P2RY8: variants seen among roughly 807,000 people sequenced by gnomAD.
The protein encoded by P2RY8 is P2Y receptor family member 8, also known as S-geranylgeranyl-glutathione receptor P2RY8.
Under a neutral mutation model 10.0 loss-of-function variants are expected in P2RY8, and 6 were observed. The observed-to-expected ratio is 0.60, with a 90% CI of 0.33 to 1.19. The LOEUF (loss-of-function observed/expected upper bound fraction) is 1.19, where lower values mean the gene tolerates loss of function less well. P2RY8 is among the 50% of genes most tolerant of loss of function. The pLI, the probability that P2RY8 is intolerant of heterozygous loss-of-function variation, is 0.04. For missense variants in P2RY8, 456 were observed against 542.0 expected, an observed-to-expected ratio of 0.84 and a Z score of 1.58; for synonymous variants, 276 against 252.5, an observed-to-expected ratio of 1.09 and a Z score of -0.88.
chrX:1,499,001 A>AT (rs2092148236), intron 1 of P2RY8, among the ~76,000 whole-genome samples: 1 of 149,162 alleles, frequency 6.7e-6, no homozygotes, highest in South Asian at 2.1e-4. Context: ...TGCCTAGCTA[A>AT]TTTTTGTATT....
chrX:1,521,615 A>C (rs1172219636), intron 1 of P2RY8, among the ~76,000 whole-genome samples: 34 of 152,312 alleles, frequency 2.2e-4, no homozygotes, highest in African/African-American at 8.2e-4. Context: ...AAGTCAATTC[A>C]CTTGGACCCT....
At chrX:1,484,089 C>T (rs2091964488) in intron 1 of P2RY8, among the ~76,000 whole-genome samples, 1 of 151,992 alleles carries the variant, frequency 6.6e-6, no homozygotes, top group South Asian at 2.1e-4. Flanking sequence ...ACCTAAAAAG[C>T]TGGGTTCCCC....
Position 1,497,236 on chromosome X carries a change from A to G in P2RY8, c.-24-30654T>C, listed in dbSNP as rs868136119. ...GACTCCGTCTCAAAAAAAAAAAAAA[A>G]GAAAAGAAAAAGAAAAAAAAGAAAC... On this transcript the variant is annotated intron_variant, in intron 1 of 1. Coordinates refer to ENST00000381297, the MANE Select transcript of P2RY8 (RefSeq NM_178129.5). 5.8e-4 allele frequency among the ~76,000 whole-genome samples: 81 copies of G among 139,530 alleles called. 2 individuals carry two copies. The highest frequency in any genetic ancestry group is 1.1e-3 in the South Asian group (5 of 4,470). 91.5% of individuals were successfully genotyped at this position (139,530 alleles called of 152,430 possible). A position where few individuals can be genotyped will look rare whatever the true frequency, so the allele number is the denominator to read the frequency against.
chrX:1,521,720 G>A (rs1479816439), intron 1 of P2RY8, among the ~76,000 whole-genome samples: 1 of 152,124 alleles, frequency 6.6e-6, no homozygotes, highest in Non-Finnish European at 1.5e-5. Context: ...ATGGGGTGAA[G>A]GAAGCCAGTC....
At chrX:1,472,629 T>C (rs1381806906) in intron 1 of P2RY8, among the ~76,000 whole-genome samples, 3 of 130,910 alleles carry the variant, frequency 2.3e-5, no homozygotes, top group Non-Finnish European at 4.8e-5. Context: ...GGTGGATGAA[T>C]GGATGGGTTG....
intron 1 of P2RY8, among the ~76,000 whole-genome samples, chrX:1,517,082 C>T (rs1168116357): frequency 2.3e-4 from 35 of 151,796 alleles, no homozygotes; most frequent in Non-Finnish European, 4.3e-4. Context: ...AAGAGACAAG[C>T]CTTAGGAGGA....
At chrX:1,469,499 A>G (rs763063334) in intron 1 of P2RY8, among the ~76,000 whole-genome samples, 3 of 152,122 alleles carry the variant, frequency 2.0e-5, no homozygotes, top group Admixed American at 6.5e-5. Flanking sequence ...CTTTGCAGGT[A>G]AATGCACACC....
chrX:1,484,328 C>T (rs1285282907), intron 1 of P2RY8, among the ~76,000 whole-genome samples: 2 of 152,110 alleles, frequency 1.3e-5, no homozygotes, highest in Admixed American at 1.3e-4. Context: ...AGACTCATTT[C>T]TTTGTTCTCT....
chrX:1,482,952 G>A (rs1223496964), intron 1 of P2RY8, among the ~76,000 whole-genome samples: 1 of 152,036 alleles, frequency 6.6e-6, no homozygotes, highest in African/African-American at 2.4e-5. Context: ...GTGGGGTGGG[G>A]GGACGGGGGA....
intron 1 of P2RY8, among the ~76,000 whole-genome samples, chrX:1,509,430 T>TATCA (rs1368137951): frequency 5.5e-5 from 8 of 145,254 alleles, no homozygotes; most frequent in African/African-American, 2.1e-4. Context: ...ATTATCTATC[T>TATCA]ATCATCTATG....
At chrX:1,535,780 C>T (rs1277032384) in intron 1 of P2RY8, among the ~76,000 whole-genome samples, 6 of 151,828 alleles carry the variant, frequency 4.0e-5, no homozygotes, top group Admixed American at 6.6e-5. Context: ...AACAGAGCCA[C>T]GTGACCATGG....
intron 1 of P2RY8, among the ~76,000 whole-genome samples, chrX:1,498,225 T>G (rs1419184872): frequency 1.3e-5 from 2 of 151,502 alleles, no homozygotes; most frequent in Non-Finnish European, 2.9e-5. Flanking sequence ...GCCAACATGC[T>G]GAAACCCCGT....
chrX:1,529,890 G>A (rs6644734), intron 1 of P2RY8, among the ~76,000 whole-genome samples: 113,645 of 151,628 alleles, frequency 0.75, 43,003 homozygotes, highest in East Asian at 0.98. Flanking sequence ...AATGTCTGAG[G>A]ACAGTTCTGG....
At chrX:1,490,325 A>G (rs1410722864) in intron 1 of P2RY8, among the ~76,000 whole-genome samples, 45 of 137,956 alleles carry the variant, frequency 3.3e-4, no homozygotes, top group Middle Eastern at 4.5e-3. Context: ...ATGATACCCC[A>G]GATTCACTTC....
At chrX:1,527,199 C>T (rs779258916) in intron 1 of P2RY8, among the ~76,000 whole-genome samples, 34 of 152,178 alleles carry the variant, frequency 2.2e-4, no homozygotes, top group African/African-American at 7.5e-4. Context: ...CCAGCCTATT[C>T]ATTCATTTCT....
chrX:1,530,157 G>GTATGTATGATCT (rs1448165994), intron 1 of P2RY8, among the ~76,000 whole-genome samples: 1 of 42,466 alleles, frequency 2.4e-5, no homozygotes, highest in African/African-American at 5.1e-5. Flanking sequence ...ATGTATGTAT[G>GTATGTATGATCT]ATCTATCTAT....
chrX:1,489,738 G>C, intron 1 of P2RY8, among the ~76,000 whole-genome samples: 1 of 148,382 alleles, frequency 6.7e-6, no homozygotes, highest in Non-Finnish European at 1.5e-5. Context: ...CAAATGTGGG[G>C]GGAATGAATG....
Position 1,466,328 on chromosome X carries a change from A to G in P2RY8, c.231T>C (p.Pro77=), listed in dbSNP as rs2091675568. The G allele has an allele frequency of 6.2e-7, 1 of 1,613,836 alleles. No individual in the cohort carries two copies. Among genetic ancestry groups the G allele is most frequent in the Non-Finnish European group, 8.5e-7 (1 of 1,179,856 alleles). The change falls in exon 2 of 2, where the codon CCT becomes CCC. Residue 77 remains proline (P), a synonymous_variant. Coordinates refer to ENST00000381297, the MANE Select transcript of P2RY8 (RefSeq NM_178129.5). ...VTDLMLASVL[P]FQIYYHCNRH... ...GGTTGCAATGGTAGTAGATTTGGAA[A>G]GGCAACACGCTGGCCAGCATCAGGT...
At chrX:1,502,291 C>T (rs1369824526) in intron 1 of P2RY8, among the ~76,000 whole-genome samples, 1 of 152,142 alleles carries the variant, frequency 6.6e-6, no homozygotes. Flanking sequence ...CGAGCAAGAA[C>T]ATGGATTTGC....
Sources: allele counts gnomAD v4.1 joint callset (sites outside exome capture counted in the v4.1 genomes callset), GRCh38; gene constraint gnomAD v4.1.1; transcripts MANE v1.5; gene names NCBI Gene and HGNC (gene_info 2026-07-23, HGNC 2026-07-21).